CNTN5: variants seen among roughly 807,000 people sequenced by gnomAD.
The protein encoded by CNTN5 is contactin-5.
In CNTN5, 77 loss-of-function variants were observed where a neutral mutation model predicts 129.1. The ratio of observed to expected loss-of-function variants is 0.60; its 90% CI spans 0.50 to 0.72. CNTN5 has a LOEUF of 0.72. Among genes scored for constraint, CNTN5 ranks in the 30% least tolerant of loss-of-function variants. CNTN5 has a pLI of 0.00. For synonymous variants in CNTN5, 509 were observed against 465.6 expected, an observed-to-expected ratio of 1.09 and a Z score of -1.20; for missense variants, 1,478 against 1,328.8, an observed-to-expected ratio of 1.11 and a Z score of -1.75.
intron 2 of CNTN5, among the ~76,000 whole-genome samples, chr11:99,368,462 T>G (rs904257554): frequency 6.6e-6 from 1 of 151,760 alleles, no homozygotes. Context: ...GACAACATAG[T>G]GCAACTCTTG....
chr11:99,644,564 A>T (rs529155809), intron 3 of CNTN5, among the ~76,000 whole-genome samples: 1 of 152,304 alleles, frequency 6.6e-6, no homozygotes, highest in East Asian at 1.9e-4. Flanking sequence ...ATTCCCATCA[A>T]TATTGTAAAA....
chr11:99,052,515 A>C (rs542137602), intron 1 of CNTN5, among the ~76,000 whole-genome samples: 1 of 152,064 alleles, frequency 6.6e-6, no homozygotes, highest in South Asian at 2.1e-4. Flanking sequence ...GCGCAGGTAC[A>C]TAATAGTGTA....
chr11:100,169,301 A>G (rs1947752314), intron 13 of CNTN5, among the ~76,000 whole-genome samples: 1 of 152,036 alleles, frequency 6.6e-6, no homozygotes, highest in African/African-American at 2.4e-5. Flanking sequence ...GAAATCTTTC[A>G]TGAAAGGAAG....
intron 4 of CNTN5, among the ~76,000 whole-genome samples, chr11:99,836,055 G>T (rs1228147186): frequency 6.6e-6 from 1 of 151,312 alleles, no homozygotes; most frequent in African/African-American, 2.4e-5. Flanking sequence ...AGGGCTGCTG[G>T]TTACCCATTT....
intron 2 of CNTN5, among the ~76,000 whole-genome samples, chr11:99,353,152 C>G (rs1029158062): frequency 2.0e-5 from 3 of 152,144 alleles, no homozygotes; most frequent in Non-Finnish European, 4.4e-5. Flanking sequence ...CCCAATCTAG[C>G]TATTTCTCTC....
intron 2 of CNTN5, among the ~76,000 whole-genome samples, chr11:99,478,276 T>C (rs1945459260): frequency 6.6e-6 from 1 of 152,098 alleles, no homozygotes. Context: ...TCAAGCTTAC[T>C]TCCATGGCTG....
rs534145107 is a variant in CNTN5 at position 99,806,834 on chromosome 11, G to A, written c.56-12710G>A. ...CCCCCTGCAAAAAAAAAAAAAAATAGATACATTAGATACATAAATACATAA... is the reference window on the plus strand; with the variant it reads ...CCCCCTGCAAAAAAAAAAAAAAATAAATACATTAGATACATAAATACATAA... On this transcript the variant is annotated intron_variant, in intron 3 of 24. Coordinates refer to ENST00000524871, the MANE Select transcript of CNTN5 (RefSeq NM_014361.4). Among the ~76,000 whole-genome samples the A allele has an allele frequency of 1.2e-3, 155 of 132,942 alleles. 2 individuals carry two copies. The highest frequency in any genetic ancestry group is 4.0e-3 in the African/African-American group (144 of 35,592). The allele number at this position is 132,942 out of a possible 152,430, so 87.2% of individuals were successfully genotyped here.
intron 3 of CNTN5, among the ~76,000 whole-genome samples, chr11:99,581,625 G>C (rs144219607): frequency 0.032 from 4,936 of 152,160 alleles, 111 homozygotes; most frequent in Middle Eastern, 0.058. Flanking sequence ...TTGGTTTAAA[G>C]TCCGTTTTAT....
At chr11:99,793,121 G>A (rs1166905767) in intron 3 of CNTN5, among the ~76,000 whole-genome samples, 3 of 151,344 alleles carry the variant, frequency 2.0e-5, no homozygotes, top group African/African-American at 4.9e-5. Context: ...GTGCAGTGGC[G>A]CAATCTCGGC....
intron 6 of CNTN5, among the ~76,000 whole-genome samples, chr11:99,899,640 A>G (rs926248128): frequency 6.6e-6 from 1 of 151,962 alleles, no homozygotes; most frequent in Non-Finnish European, 1.5e-5. Context: ...TGTTTTGTTG[A>G]GGAGTTTTGC....
intron 2 of CNTN5, among the ~76,000 whole-genome samples, chr11:99,381,248 A>G (rs1940541608): frequency 6.6e-6 from 1 of 152,216 alleles, no homozygotes; most frequent in South Asian, 2.1e-4. Flanking sequence ...GAGGATCATT[A>G]GGTGAGGGAA....
At chr11:100,188,563 G>A (rs1247130526) in intron 13 of CNTN5, among the ~76,000 whole-genome samples, 1 of 152,116 alleles carries the variant, frequency 6.6e-6, no homozygotes, top group Non-Finnish European at 1.5e-5. Context: ...CAGTCAAAAT[G>A]GCTATCATTA....
At chr11:99,409,447 G>A (rs770430841) in intron 2 of CNTN5, among the ~76,000 whole-genome samples, 34 of 152,096 alleles carry the variant, frequency 2.2e-4, no homozygotes, top group Non-Finnish European at 5.0e-4. Flanking sequence ...CAGCCTGGGC[G>A]ACAACAGAGC....
At chr11:100,041,243 T>C (rs989516804) in intron 9 of CNTN5, among the ~76,000 whole-genome samples, 4 of 152,186 alleles carry the variant, frequency 2.6e-5, no homozygotes, top group Non-Finnish European at 2.9e-5. Flanking sequence ...CTACCAATTA[T>C]GCAAGTCTGA....
chr11:99,995,121 T>A (rs1001507443), intron 8 of CNTN5, among the ~76,000 whole-genome samples: 2 of 152,188 alleles, frequency 1.3e-5, no homozygotes, highest in African/African-American at 2.4e-5. Context: ...GGAAAGTAAT[T>A]GAGGGAGTTA....
intron 16 of CNTN5, among the ~76,000 whole-genome samples, chr11:100,232,683 T>C (rs7122990): frequency 1.3e-5 from 2 of 152,146 alleles, no homozygotes; most frequent in Admixed American, 1.3e-4. Context: ...ATCAAACATT[T>C]ATAGAGCACA....
intron 14 of CNTN5, 22 bp downstream of exon 14, chr11:100,191,275 TTTTACAA>T: frequency 6.2e-7 from 1 of 1,601,508 alleles, no homozygotes; most frequent in East Asian, 2.2e-5. Context: ...CGGGTAAATG[TTTTACAA>T]GCATAGTCTC....
chr11:99,465,769 A>T (rs1012734711), intron 2 of CNTN5, among the ~76,000 whole-genome samples: 3 of 150,684 alleles, frequency 2.0e-5, no homozygotes, highest in Non-Finnish European at 4.4e-5. Context: ...ATGGCTGAGG[A>T]GGCCTCTGGA....
intron 2 of CNTN5, among the ~76,000 whole-genome samples, chr11:99,403,969 A>T (rs558840540): frequency 1.3e-5 from 2 of 152,124 alleles, no homozygotes; most frequent in African/African-American, 4.8e-5. Context: ...GTCTCCAACT[A>T]TCATTGTATT....
Sources: gnomAD v4.1 joint callset for allele counts (sites outside exome capture counted in the v4.1 genomes callset) on GRCh38, gnomAD v4.1.1 for gene constraint, MANE v1.5 for transcripts, NCBI Gene and HGNC (gene_info 2026-07-23, HGNC 2026-07-21) for gene names.